The following RPTOR variants were observed in gnomAD, a reference collection of about 807,000 sequenced individuals.
RPTOR encodes the protein regulatory associated protein of MTOR complex 1, also known as regulatory-associated protein of mTOR.
Under a neutral mutation model 169.9 loss-of-function variants are expected in RPTOR, and 21 were observed. The observed-to-expected ratio is 0.12, with a 90% CI of 0.09 to 0.18. The LOEUF is 0.18. Among genes scored for constraint, RPTOR ranks in the 10% least tolerant of loss-of-function variants. The pLI, the probability that RPTOR is intolerant of heterozygous loss-of-function variation, is 1.00. For synonymous variants in RPTOR, 732 were observed against 753.2 expected (o/e 0.97, Z 0.46); for missense variants, 1,133 against 1,855.9 (o/e 0.61, Z 7.16).
chr17:80,658,553 A>C (rs1190260943), intron 3 of RPTOR, among the ~76,000 whole-genome samples: 1 of 152,148 alleles, frequency 6.6e-6, no homozygotes, highest in Non-Finnish European at 1.5e-5. Context: ...TTAGCTGTGG[A>C]CTACTTCATA....
chr17:80,891,789 T>C lies in RPTOR; in HGVS notation c.2053T>C (p.Phe685Leu). Residue 685 changes from phenylalanine to leucine, a missense_variant, in exon 18 of 34, where the codon TTC becomes CTC. This residue lies in a region of RPTOR where 150 missense variants were observed against 206.4 expected (regional missense o/e 0.73). Coordinates refer to ENST00000306801, the MANE Select transcript of RPTOR (RefSeq NM_020761.3). ...ESNFCTVALQFIEEEKNYALP... is the reference protein window; with the variant it reads ...ESNFCTVALQLIEEEKNYALP... ...CAATTTCTGCACCGTGGCCCTGCAG[T>C]TCATAGAAGAGGAAAAGAACTACGC... is the stretch of plus-strand genomic sequence containing the variant. 1 of 1,614,090 alleles carries C rather than the reference T, an allele frequency of 6.2e-7. No individual in the cohort carries two copies. The highest frequency in any genetic ancestry group is 8.5e-7 in the Non-Finnish European group (1 of 1,180,008).
intron 20 of RPTOR, among the ~76,000 whole-genome samples, chr17:80,897,898 A>AAAAAC (rs138897599): frequency 0.015 from 2,208 of 152,210 alleles, 24 homozygotes; most frequent in African/African-American, 0.025. Context: ...ATCTCAAAAC[A>AAAAAC]AAAACAAAAC....
At chr17:80,929,989 T>C (rs1489922862) in intron 24 of RPTOR, among the ~76,000 whole-genome samples, 1 of 152,026 alleles carries the variant, frequency 6.6e-6, no homozygotes, top group Non-Finnish European at 1.5e-5. Flanking sequence ...CAGTTCATCC[T>C]TGGCTCATCC....
intron 1 of RPTOR, among the ~76,000 whole-genome samples, chr17:80,610,042 G>A (rs1356590642): frequency 6.6e-6 from 1 of 152,076 alleles, no homozygotes; most frequent in East Asian, 1.9e-4. Flanking sequence ...AGAGAATAAG[G>A]TTTTCTCATT....
At position 80,625,747 on chromosome 17, in the gene RPTOR, C is replaced by T. The variant is rs559507304; in HGVS notation, c.219C>T (p.Pro73=). 4.3e-5 allele frequency: 69 copies of T among 1,613,538 alleles called. No homozygotes were observed. The highest frequency in any genetic ancestry group is 1.8e-4 in the East Asian group (8 of 44,886). Residue 73 remains proline (P), a synonymous_variant, in exon 2 of 34, where the codon CCC becomes CCT. Transcript: ENST00000306801. The part of the protein sequence containing the change: ...VLCLNVGVDP[P]DVVKTTPCAR... ...GCCTGAATGTTGGTGTGGACCCTCC[C>T]GATGTGGTGAAGACCACGCCCTGTG... is the stretch of plus-strand genomic sequence containing the variant.
Position 80,700,523 on chromosome 17 carries a change from G to A in RPTOR, c.349-7318G>A, listed in dbSNP as rs973086317. 5.6e-3 allele frequency among the ~76,000 whole-genome samples: 680 copies of A among 122,376 alleles called. 5 individuals are homozygous for A. Among genetic ancestry groups the A allele is most frequent in the Middle Eastern group, 0.012 (3 of 244 alleles). The allele number at this position is 122,376 out of a possible 152,430, so 80.3% of individuals were successfully genotyped here. A position where few individuals can be genotyped will look rare whatever the true frequency, so the allele number is the denominator to read the frequency against. On this transcript the variant is annotated intron_variant, in intron 3 of 33. Coordinates refer to ENST00000306801, the MANE Select transcript of RPTOR (RefSeq NM_020761.3). Reference sequence around the variant, plus strand: ...AGAGATGATGGTGATGGTGATGGTGGTGGTGGTGGTGGTGATGATGATGGT... The same window carrying A: ...AGAGATGATGGTGATGGTGATGGTGATGGTGGTGGTGGTGATGATGATGGT...
At chr17:80,557,918 T>TC (rs1484556347) in intron 1 of RPTOR, among the ~76,000 whole-genome samples, 5 of 152,146 alleles carry the variant, frequency 3.3e-5, no homozygotes, top group South Asian at 2.1e-4. Context: ...AGAGCGAGAC[T>TC]CCGTCTCAAA....
chr17:80,825,552 A>G (rs960197298), intron 9 of RPTOR, among the ~76,000 whole-genome samples: 1 of 152,312 alleles, frequency 6.6e-6, no homozygotes, highest in Middle Eastern at 3.4e-3. Context: ...AAGGCCAGCT[A>G]TTCTGCAGAC....
chr17:80,913,305 AC>A (rs2068634030), intron 21 of RPTOR, among the ~76,000 whole-genome samples: 1 of 152,150 alleles, frequency 6.6e-6, no homozygotes. Flanking sequence ...AGAAATTGCC[AC>A]CAGCTCTGTA....
chr17:80,771,564 G>A (rs979224772), intron 6 of RPTOR, among the ~76,000 whole-genome samples: 5 of 152,048 alleles, frequency 3.3e-5, no homozygotes, highest in Admixed American at 2.0e-4. Flanking sequence ...AACCTAGAAC[G>A]CCCCCTCTCC....
At chr17:80,715,796 G>C (rs1326375245) in intron 4 of RPTOR, among the ~76,000 whole-genome samples, 1 of 151,038 alleles carries the variant, frequency 6.6e-6, no homozygotes, top group Non-Finnish European at 1.5e-5. Context: ...CAGCTCCCAC[G>C]TAACAGTGAA....
chr17:80,629,756 T>C (rs2065427994), intron 2 of RPTOR, among the ~76,000 whole-genome samples: 2 of 151,678 alleles, frequency 1.3e-5, no homozygotes, highest in South Asian at 4.2e-4. Flanking sequence ...TGTCTATGTA[T>C]TGTGTTGTTG....
At position 80,562,559 on chromosome 17, in the gene RPTOR, G is replaced by A. The variant is rs780471321; in HGVS notation, c.162+16768G>A. 7.9e-5 allele frequency among the ~76,000 whole-genome samples: 12 copies of A among 152,172 alleles called. No homozygotes were observed. Among genetic ancestry groups the A allele is most frequent in the African/African-American group, 2.2e-4 (9 of 41,428 alleles). ...AGCACTTTGGGAGGCTGAGGCGGAC[G>A]GATCACTTGAAGTCAGGAGTTCGAG... On this transcript the variant is annotated intron_variant, in intron 1 of 33. Coordinates refer to ENST00000306801, the MANE Select transcript of RPTOR (RefSeq NM_020761.3). The surrounding 1 kb of genome is among the most constrained non-coding windows in gnomAD (Gnocchi z 4.4).
At chr17:80,945,461 G>A (rs898979263) in intron 25 of RPTOR, 29 of 384,834 alleles carry the variant, frequency 7.5e-5, no homozygotes, top group Non-Finnish European at 1.2e-4. Context: ...GCATGGTGGC[G>A]GGCACCTGTA....
intron 7 of RPTOR, among the ~76,000 whole-genome samples, chr17:80,799,933 C>T (rs762697315): frequency 6.6e-6 from 1 of 152,232 alleles, no homozygotes; most frequent in Non-Finnish European, 1.5e-5. Context: ...CCCATGTGTC[C>T]TTGCCCGCTG....
At chr17:80,900,480 C>G (rs549207444) in intron 20 of RPTOR, among the ~76,000 whole-genome samples, 1 of 152,332 alleles carries the variant, frequency 6.6e-6, no homozygotes, top group African/African-American at 2.4e-5. Context: ...CCACACCTGG[C>G]TAATTTTGTA....
chr17:80,556,422 G>T (rs2084409037), intron 1 of RPTOR, among the ~76,000 whole-genome samples: 1 of 152,088 alleles, frequency 6.6e-6, no homozygotes, highest in African/African-American at 2.4e-5. Context: ...GAGGTGGGAG[G>T]ATAGCTTGAG....
chr17:80,804,813 G>T (rs150855776), intron 7 of RPTOR: 7 of 152,430 alleles, frequency 4.6e-5, no homozygotes, highest in Non-Finnish European at 7.3e-5. Context: ...CGATTCTGAG[G>T]AAAGTGGCAT....
chr17:80,687,964 G>A (rs1244666329), intron 3 of RPTOR, among the ~76,000 whole-genome samples: 2 of 152,082 alleles, frequency 1.3e-5, no homozygotes, highest in Non-Finnish European at 1.5e-5. Context: ...TTCTTGTCCC[G>A]GTACTGCCTG....
Sources: gnomAD v4.1 joint callset for allele counts (sites outside exome capture counted in the v4.1 genomes callset) on GRCh38, gnomAD v4.1.1 for gene constraint, gnomAD v4.1.1 regional missense constraint, Gnocchi (gnomAD v3.1) non-coding constraint, MANE v1.5 for transcripts, NCBI Gene and HGNC (gene_info 2026-07-23, HGNC 2026-07-21) for gene names.